Variants in CAST observed in about 807,000 individuals in gnomAD.
CAST encodes calpastatin, also known as MIR583 host.
CAST carries 76 observed loss-of-function variants against 119.6 expected under a neutral mutation model. That is an observed-to-expected ratio of 0.64 (90% CI 0.53 to 0.77). CAST has a LOEUF of 0.77. Ranked by LOEUF, CAST falls within the 30% of genes least tolerant of loss-of-function variation. The pLI is 0.00. For missense variants in CAST, 953 were observed against 946.5 expected, an observed-to-expected ratio of 1.01 and a Z score of -0.09; for synonymous variants, 319 against 331.6, an observed-to-expected ratio of 0.96 and a Z score of 0.41.
chr5:96,535,288 T>C (rs1427482044), intron 1 of CAST, among the ~76,000 whole-genome samples: 7 of 152,178 alleles, frequency 4.6e-5, no homozygotes, highest in Non-Finnish European at 7.4e-5. Flanking sequence ...GAAACAATAA[T>C]TGGCACAGCG....
In CAST at chr5:96,754,663, G is replaced by A; in HGVS notation, c.1632G>A (p.Lys544=). ...AATGGTATAATTTTTCTCAGGAGAA[G>A]GCCAAAGAAGAAGACCGTGAAAAGC... is the stretch of plus-strand genomic sequence containing the variant. ...GKPVMDKVKE[K]AKEEDREKLG... The change falls in exon 22 of 32, where the codon AAG becomes AAA. Residue 544 remains lysine, a synonymous_variant. Transcript: ENST00000675179. The A allele has an allele frequency of 1.3e-6, 2 of 1,595,368 alleles. No homozygotes were observed. Among genetic ancestry groups the A allele is most frequent in the Non-Finnish European group, 1.7e-6 (2 of 1,166,690 alleles).
the CAST span, among the ~76,000 whole-genome samples, chr5:96,331,713 A>G: frequency 6.6e-6 from 1 of 152,206 alleles, no homozygotes; most frequent in Non-Finnish European, 1.5e-5. Context: ...TGTTGACAAC[A>G]TTACATATTT....
intron 3 of CAST, chr5:96,702,987 AC>A: frequency 1.0e-6 from 1 of 973,586 alleles, no homozygotes; most frequent in Non-Finnish European, 1.2e-6. Flanking sequence ...GCCCCCGGCT[AC>A]CTGCCCTGCG....
intron 3 of CAST, among the ~76,000 whole-genome samples, chr5:96,719,813 C>G (rs1757901094): frequency 1.3e-5 from 2 of 152,196 alleles, no homozygotes; most frequent in South Asian, 4.1e-4. Flanking sequence ...GATGGCCAAG[C>G]TCCCAGGCCT....
chr5:96,046,416 G>A, the CAST span, among the ~76,000 whole-genome samples: 1 of 152,248 alleles, frequency 6.6e-6, no homozygotes, highest in African/African-American at 2.4e-5. Context: ...ATAGGGGTGA[G>A]TACAATTCTG....
chr5:96,057,893 A>G, the CAST span, among the ~76,000 whole-genome samples: 1 of 152,140 alleles, frequency 6.6e-6, no homozygotes, highest in Non-Finnish European at 1.5e-5. Context: ...AAGAGCATTT[A>G]AATTCTTGAC....
chr5:96,055,735 A>G, the CAST span, among the ~76,000 whole-genome samples: 3 of 152,154 alleles, frequency 2.0e-5, no homozygotes, highest in African/African-American at 4.8e-5. Flanking sequence ...ATCATATAAT[A>G]TATACTTTAC....
chr5:96,309,970 G>A, the CAST span, among the ~76,000 whole-genome samples: 1 of 152,228 alleles, frequency 6.6e-6, no homozygotes, highest in African/African-American at 2.4e-5. Flanking sequence ...ACTGTTGAAT[G>A]TAAGTGGTGA....
At chr5:96,220,047 C>G in the CAST span, among the ~76,000 whole-genome samples, 913 of 152,256 alleles carry the variant, frequency 6.0e-3, 6 homozygotes, top group African/African-American at 0.021. Flanking sequence ...AGCCTGTCTC[C>G]CACGACAGAG....
the CAST span, among the ~76,000 whole-genome samples, chr5:95,997,963 GTTTTTT>G: frequency 7.1e-4 from 66 of 93,616 alleles, no homozygotes; most frequent in East Asian, 0.018. Flanking sequence ...TTGAGAGAGG[GTTTTTT>G]TTTTTTTTTT....
At chr5:96,199,531 C>A in the CAST span, among the ~76,000 whole-genome samples, 1 of 151,928 alleles carries the variant, frequency 6.6e-6, no homozygotes, top group Non-Finnish European at 1.5e-5. Context: ...CTTGATGTAC[C>A]TATTTTTTTG....
At chr5:95,968,093 G>A in the CAST span, among the ~76,000 whole-genome samples, 4 of 152,158 alleles carry the variant, frequency 2.6e-5, no homozygotes, top group African/African-American at 9.7e-5. Context: ...TATAATGAAT[G>A]TGTCAGGTTA....
the CAST span, among the ~76,000 whole-genome samples, chr5:96,410,209 CG>C: frequency 1.1e-4 from 16 of 152,082 alleles, no homozygotes; most frequent in African/African-American, 3.9e-4. Context: ...CGCAGGCAAG[CG>C]TGGGCTGGAG....
At chr5:96,677,038 AAAAAAAAAAG>A (rs1207143842) in intron 2 of CAST, among the ~76,000 whole-genome samples, 1 of 151,692 alleles carries the variant, frequency 6.6e-6, no homozygotes. Flanking sequence ...GGGTGACAAA[AAAAAAAAAAG>A]AAAAGAAAAG....
chr5:96,751,190 T>G (rs1475929514), intron 20 of CAST, among the ~76,000 whole-genome samples: 1 of 150,170 alleles, frequency 6.7e-6, no homozygotes, highest in East Asian at 2.0e-4. Flanking sequence ...AGGTGAATCT[T>G]TGTTTCCTTT....
the CAST span, among the ~76,000 whole-genome samples, chr5:96,033,652 A>T: frequency 6.6e-6 from 1 of 152,094 alleles, no homozygotes; most frequent in African/African-American, 2.4e-5. Context: ...ATCAAATCAG[A>T]GTGGATTAAA....
At chr5:96,612,722 C>CA in intron 1 of CAST, among the ~76,000 whole-genome samples, 1 of 152,284 alleles carries the variant, frequency 6.6e-6, no homozygotes, top group African/African-American at 2.4e-5. Context: ...CTCTTTCTTA[C>CA]ACTGAGATTA....
intron 2 of CAST, among the ~76,000 whole-genome samples, chr5:96,690,482 T>C (rs932921192): frequency 6.6e-6 from 1 of 152,116 alleles, no homozygotes; most frequent in Non-Finnish European, 1.5e-5. Context: ...CGCCTGCCTC[T>C]GCCTGCCAAA....
the CAST span, among the ~76,000 whole-genome samples, chr5:96,030,319 G>T: frequency 6.6e-6 from 1 of 152,170 alleles, no homozygotes; most frequent in Non-Finnish European, 1.5e-5. Flanking sequence ...TTATTAACCT[G>T]ATTTATAACT....
Sources: gnomAD v4.1 joint callset for allele counts (sites outside exome capture counted in the v4.1 genomes callset) on GRCh38, gnomAD v4.1.1 for gene constraint, MANE v1.5 for transcripts, NCBI Gene and HGNC (gene_info 2026-07-23, HGNC 2026-07-21) for gene names.